The following FLII variants were observed in gnomAD, a reference collection of about 807,000 sequenced individuals.
FLII encodes FLII actin remodeling protein, also known as protein flightless-1 homolog.
FLII carries 101 observed loss-of-function variants against 156.2 expected under a neutral mutation model. That is an observed-to-expected ratio of 0.65 (90% CI 0.55 to 0.76). The LOEUF (loss-of-function observed/expected upper bound fraction) is 0.76, where lower values mean the gene tolerates loss of function less well. FLII is among the 30% of genes least tolerant of loss of function. The pLI is 0.00. For synonymous variants in FLII, 767 were observed against 685.8 expected (o/e 1.12, Z -1.85); for missense variants, 1,675 against 1,682.8 (o/e 1.00, Z 0.08).
Position 18,254,637 on chromosome 17 carries a change from T to G in FLII, c.459A>C (p.Leu153=). 1 of 1,613,906 alleles carries G rather than the reference T, an allele frequency of 6.2e-7. No homozygotes were observed. Among genetic ancestry groups the G allele is most frequent in the South Asian group, 1.1e-5 (1 of 91,082 alleles). The part of the protein sequence containing the change: ...PNQLFINLTD[L]LYLDLSENRL... ...GGTTCTCGCTGAGGTCCAGGTATAG[T>G]AGGTCAGTGAGGTTGATGAAGAGCT... is the stretch of plus-strand genomic sequence containing the variant. Residue 153 remains leucine, a synonymous_variant, in exon 6 of 30, where the codon CTA becomes CTC. Coordinates refer to ENST00000327031, the MANE Select transcript of FLII (RefSeq NM_002018.4).
intron 10 of FLII, 147 bp downstream of exon 10, chr17:18,252,324 TG>T: frequency 2.3e-6 from 2 of 884,612 alleles, no homozygotes; most frequent in South Asian, 1.5e-5. Context: ...GAATGTACTC[TG>T]GATGCAGGGA....
Position 18,251,730 on chromosome 17 carries a change from C to T in FLII, c.1333G>A (p.Val445Met). 6.2e-7 allele frequency: 1 copy of T among 1,614,088 alleles called. No individual in the cohort carries two copies. Among genetic ancestry groups the T allele is most frequent in the Non-Finnish European group, 8.5e-7 (1 of 1,180,038 alleles). The stretch of plus-strand genomic sequence containing the variant: ...GCAACATCTGACATGCCCTTCAGCA[C>T]CTGCTTGGCCTGGTCATCCTGGGCT... ...DSAQDDQAKQ[V>M]LKGMSDVAQE... Residue 445 changes from valine to methionine, a missense_variant, in exon 12 of 30, where the codon GTG becomes ATG. Around this residue, in one of 2 missense-constraint regions of FLII, gnomAD observed 1,332 missense variants for 1,269.3 expected, o/e 1.05. Transcript: ENST00000327031.
intron 12 of FLII, 59 bp from the exon 13 acceptor site, chr17:18,251,536 A>G: frequency 6.4e-7 from 1 of 1,566,454 alleles, no homozygotes; most frequent in Non-Finnish European, 8.7e-7. Context: ...GCCAGTCTTT[A>G]CTTGCTACCC....
Position 18,247,235 on chromosome 17 carries a change from T to C in FLII, c.2610A>G (p.Lys870=), listed in dbSNP as rs776110905. The C allele has an allele frequency of 1.2e-6, 2 of 1,602,912 alleles. No homozygotes were observed. The highest frequency in any genetic ancestry group is 2.7e-5 in the African/African-American group (2 of 74,410). The change falls in exon 21 of 30, where the codon AAA becomes AAG. Residue 870 remains lysine (K), a synonymous_variant. Transcript: ENST00000327031. ...CAGTGAGGTCAGCCTTCATCTGGTCTTTCTTCTCGGCGTCGCGTTTCACCT... is the reference window on the plus strand; with the variant it reads ...CAGTGAGGTCAGCCTTCATCTGGTCCTTCTTCTCGGCGTCGCGTTTCACCT... ...SGKVKRDAEK[K]DQMKADLTAL... is the part of the protein sequence containing the mutation.
chr17:18,250,578 C>T (rs67826234), intron 14 of FLII, among the ~76,000 whole-genome samples: 19,721 of 152,210 alleles, frequency 0.13, 1,414 homozygotes, highest in South Asian at 0.18. Flanking sequence ...GCTCCCATGC[C>T]CAGCCTGTAC....
intron 1 of FLII, 119 bp from the exon 2 acceptor site, chr17:18,257,138 C>G (rs1478485792): frequency 4.9e-6 from 3 of 606,504 alleles, no homozygotes; most frequent in East Asian, 5.9e-5. Flanking sequence ...TGTGAGAACA[C>G]AGACAAGTCA....
Position 18,246,395 on chromosome 17 carries a change from A to T in FLII, c.3119T>A (p.Ile1040Asn), listed in dbSNP as rs980344277. The stretch of plus-strand genomic sequence containing the variant: ...GACCGCCTTCCTCTTGCCCCGGTGG[A>T]TGATGAACTTCCTCTTGAAATGGGA... ...FLSHFKRKFIIHRGKRKAVQG... is the reference protein window; with the variant it reads ...FLSHFKRKFINHRGKRKAVQG... The change falls in exon 24 of 30, where the codon ATC (isoleucine) becomes AAC (asparagine). Residue 1040 changes from isoleucine (I) to asparagine (N), a missense_variant. This residue lies in a region of FLII where 1,332 missense variants were observed against 1,269.3 expected (regional missense o/e 1.05). Coordinates refer to ENST00000327031, the MANE Select transcript of FLII (RefSeq NM_002018.4). 2.5e-6 allele frequency: 4 copies of T among 1,613,950 alleles called. No homozygotes were observed. In the Middle Eastern group the frequency reaches 4.9e-4, roughly 200 times the overall value.
rs2048083912 is a variant in FLII, at chr17:18,246,943, T to C, written c.2786A>G (p.Tyr929Cys). ...RLPEEEFGHF[Y>C]TQDCYVFLCR... The stretch of plus-strand genomic sequence containing the variant: ...GAGGAAGACGTAGCAGTCCTGCGTG[T>C]AGAAGTGGCCAAACTCCTCTTCCGG... The change falls in exon 22 of 30, where the codon TAC becomes TGC. Residue 929 changes from tyrosine (Y) to cysteine (C), a missense_variant. Tyr to Cys is a radical substitution (Grantham distance 194). Coordinates refer to ENST00000327031, the MANE Select transcript of FLII (RefSeq NM_002018.4). 1 of 1,614,194 alleles carries C rather than the reference T, an allele frequency of 6.2e-7. No homozygotes were observed. Among genetic ancestry groups the C allele is most frequent in the Non-Finnish European group, 8.5e-7 (1 of 1,180,034 alleles).
At chr17:18,253,978 T>C in intron 7 of FLII, 101 bp downstream of exon 7, 2 of 889,226 alleles carry the variant, frequency 2.2e-6, no homozygotes, top group Non-Finnish European at 3.4e-6. Context: ...CTTTTCCCTC[T>C]GGGTATTGGT....
In FLII at chr17:18,252,069, G is replaced by T. The variant is rs376804694; in HGVS notation, c.1176C>A (p.Ile392=). 6.2e-7 allele frequency: 1 copy of T among 1,613,424 alleles called. No homozygotes were observed. The change falls in exon 11 of 30, where the codon ATC becomes ATA. Residue 392 remains isoleucine, a synonymous_variant. Transcript: ENST00000327031. Reference sequence around the variant, plus strand: ...GCAGCTGGTTCTGCAGCGAGAAGTCGATGTTGTACCACTCAGCGGCACGGT... The same window carrying T: ...GCAGCTGGTTCTGCAGCGAGAAGTCTATGTTGTACCACTCAGCGGCACGGT... ...PADRAAEWYN[I]DFSLQNQLRL...
Position 18,244,939 on chromosome 17 carries a change from T to G in FLII, c.*199A>C, listed in dbSNP as rs905533773. ...GGGGGCTTCACACGTGCACTCACAC[T>G]GTGGAGAGAGTTGGATTTCCCAGAC... On this transcript the variant is annotated 3_prime_UTR_variant, in exon 30 of 30. Coordinates refer to ENST00000327031, the MANE Select transcript of FLII (RefSeq NM_002018.4). 2.2e-5 allele frequency: 14 copies of G among 635,498 alleles called. No individual in the cohort carries two copies. Among genetic ancestry groups the G allele is most frequent in the Non-Finnish European group, 3.1e-5 (11 of 360,586 alleles). The allele number at this position is 635,498 out of a possible 1,614,324, so 39.4% of individuals were successfully genotyped here.
At position 18,254,658 on chromosome 17, in the gene FLII, G is replaced by A. The variant is rs34913050; in HGVS notation, c.438C>T (p.Leu146=). ...ATAGTAGGTCAGTGAGGTTGATGAA[G>A]AGCTGGTTGGGGATGGTGTCGATGC... ...HNSIDTIPNQ[L]FINLTDLLYL... The change falls in exon 6 of 30, where the codon CTC becomes CTT. Residue 146 remains leucine (L), a synonymous_variant. Transcript: ENST00000327031. 3.1e-6 allele frequency: 5 copies of A among 1,613,882 alleles called. No individual in the cohort carries two copies. Among genetic ancestry groups the A allele is most frequent in the Non-Finnish European group, 3.4e-6 (4 of 1,179,956 alleles).
At position 18,254,116 on chromosome 17, in the gene FLII, G is replaced by C; in HGVS notation, c.642C>G (p.Asn214Lys). 1 of 1,611,694 alleles carries C rather than the reference G, an allele frequency of 6.2e-7. No individual in the cohort carries two copies. Among genetic ancestry groups the C allele is most frequent in the Non-Finnish European group, 8.5e-7 (1 of 1,178,850 alleles). ...TCAGACCCTCCAGGCTGGTGGGCAG[G>C]TTGCTCTGGGTGCGCTGGGTGCTCC... is the stretch of plus-strand genomic sequence containing the variant. Reference protein sequence around the residue: ...HLRSTQRTQSNLPTSLEGLSN... With the variant: ...HLRSTQRTQSKLPTSLEGLSN... Residue 214 changes from asparagine to lysine, a missense_variant, in exon 7 of 30, where the codon AAC (asparagine) becomes AAG (lysine). Asn to Lys is a moderately conservative substitution (Grantham distance 94). Around this residue, in one of 2 missense-constraint regions of FLII, gnomAD observed 343 missense variants for 413.5 expected, o/e 0.83. Transcript: ENST00000327031.
rs1243969229 is a variant in FLII at position 18,248,621 on chromosome 17, C to G, written c.2119G>C (p.Gly707Arg). Residue 707 changes from glycine (G) to arginine (R), a missense_variant, in exon 18 of 30, where the codon GGT (glycine) becomes CGT (arginine). Gly to Arg is a moderately radical substitution (Grantham distance 125). Transcript: ENST00000327031. Reference protein sequence around the residue: ...QELPEFWEALGGEPSEIKKHV... With the variant: ...QELPEFWEALRGEPSEIKKHV... ...TTCTTGATCTCAGAGGGCTCCCCAC[C>G]CAGTGCCTCCCAGAACTCTGGGAGC... 1 of 1,613,898 alleles carries G rather than the reference C, an allele frequency of 6.2e-7. No individual in the cohort carries two copies. Among genetic ancestry groups the G allele is most frequent in the Admixed American group, 1.7e-5 (1 of 60,020 alleles).
At chr17:18,254,283 G>C (rs534189228) in intron 6 of FLII, 101 bp from the exon 7 acceptor site, 1 of 977,784 alleles carries the variant, frequency 1.0e-6, no homozygotes, top group Admixed American at 2.7e-5. Flanking sequence ...CCAGAGGGTA[G>C]GTGTGAGGTC....
At chr17:18,252,757 C>T (rs1392466880) in intron 9 of FLII, among the ~76,000 whole-genome samples, 2 of 152,264 alleles carry the variant, frequency 1.3e-5, no homozygotes, top group Non-Finnish European at 2.9e-5. Flanking sequence ...AGAAGCAACA[C>T]TGCGTTCCCA....
Position 18,258,324 on chromosome 17 carries a change from C to A in FLII, c.63+304G>T. 1.7e-6 allele frequency: 1 copy of A among 605,672 alleles called. No individual in the cohort carries two copies. Among genetic ancestry groups the A allele is most frequent in the South Asian group, 2.3e-5 (1 of 43,048 alleles). The allele number at this position is 605,672 out of a possible 1,614,324, so 37.5% of individuals were successfully genotyped here. ...GGGGCGGGGAGGCTCGCCCGATCCC[C>A]AGGCCACCATCCAGCCTAGACCGAG... On this transcript the variant is annotated intron_variant, in intron 1 of 29. Transcript: ENST00000327031. This position sits in a 1 kb window ranked among gnomAD's most constrained non-coding sequence, Gnocchi z 4.2.
Position 18,245,217 on chromosome 17 carries a change from A to AGGCGCAGCC in FLII, c.3722_3730dup (p.Arg1241_Arg1243dup), listed in dbSNP as rs754321107. ...GTGCTGCTCATTGCCCTTGCGGACC[A>AGGCGCAGCC]GGCGCAGCCGGCGCGGCCGCTCATG... On this transcript the variant is annotated inframe_insertion, in exon 30 of 30. Coordinates refer to ENST00000327031, the MANE Select transcript of FLII (RefSeq NM_002018.4). 3 of 1,613,832 alleles carry AGGCGCAGCC rather than the reference A, an allele frequency of 1.9e-6. No homozygotes were observed. The highest frequency in any genetic ancestry group is 2.5e-6 in the Non-Finnish European group (3 of 1,179,948).
In FLII at chr17:18,246,750, C is replaced by A. The variant is rs1371758276; in HGVS notation, c.2895G>T (p.Glu965Asp). 6.2e-7 allele frequency: 1 copy of A among 1,613,832 alleles called. No homozygotes were observed. Among genetic ancestry groups the A allele is most frequent in the African/African-American group, 1.3e-5 (1 of 75,018 alleles). ...TCTCCTCTGCCTCAGCGGTTGCTTC[C>A]TCGCCTTCTTTGCCCTCGGCCTTCT... The part of the protein sequence containing the change: ...KEEKAEGKEG[E>D]EATAEAEEKQ... Residue 965 changes from glutamate to aspartate, a missense_variant, in exon 23 of 30, where the codon GAG becomes GAT. Physicochemically the swap from Glu to Asp is conservative, Grantham distance 45 (BLOSUM62 2). Around this residue, in one of 2 missense-constraint regions of FLII, gnomAD observed 1,332 missense variants for 1,269.3 expected, o/e 1.05. Transcript: ENST00000327031.
Sources: gnomAD v4.1 joint callset for allele counts (sites outside exome capture counted in the v4.1 genomes callset) on GRCh38, gnomAD v4.1.1 for gene constraint, gnomAD v4.1.1 regional missense constraint, Gnocchi (gnomAD v3.1) non-coding constraint, MANE v1.5 for transcripts, NCBI Gene and HGNC (gene_info 2026-07-23, HGNC 2026-07-21) for gene names.